MACROD2: variants seen among roughly 807,000 people sequenced by gnomAD.
MACROD2 encodes ADP-ribose glycohydrolase MACROD2.
A neutral mutation model predicts 70.4 loss-of-function variants in MACROD2; 36 were observed. That is an observed-to-expected ratio of 0.51 (90% CI 0.39 to 0.68). The LOEUF is 0.68. MACROD2 is among the 30% of genes least tolerant of loss of function. MACROD2 has a pLI of 0.00. For synonymous variants in MACROD2, 172 were observed against 178.8 expected (o/e 0.96, Z 0.30); for missense variants, 496 against 538.4 (o/e 0.92, Z 0.78).
intron 8 of MACROD2, among the ~76,000 whole-genome samples, chr20:15,701,445 T>A (rs1031642150): frequency 6.6e-6 from 1 of 152,216 alleles, no homozygotes; most frequent in Non-Finnish European, 1.5e-5. Context: ...CTTATTATTA[T>A]ATATTTACTT....
intron 2 of MACROD2, among the ~76,000 whole-genome samples, chr20:14,012,206 G>T (rs1172170137): frequency 6.6e-6 from 1 of 152,120 alleles, no homozygotes; most frequent in East Asian, 1.9e-4. Flanking sequence ...CGTACTCAGG[G>T]TGTGACATAT....
intron 5 of MACROD2, among the ~76,000 whole-genome samples, chr20:15,193,623 G>C (rs2076586185): frequency 6.6e-6 from 1 of 152,074 alleles, no homozygotes; most frequent in Admixed American, 6.6e-5. Flanking sequence ...GCCAGCCTGA[G>C]TGACAGAACA....
intron 3 of MACROD2, among the ~76,000 whole-genome samples, chr20:14,224,209 A>G (rs1050555692): frequency 1.3e-5 from 2 of 152,194 alleles, no homozygotes; most frequent in African/African-American, 2.4e-5. Context: ...TAAAACTATC[A>G]CAGGAACTTG....
intron 6 of MACROD2, among the ~76,000 whole-genome samples, chr20:15,337,280 AT>A (rs1020816058): frequency 6.6e-6 from 1 of 151,430 alleles, no homozygotes; most frequent in Non-Finnish European, 1.5e-5. Flanking sequence ...GTTGGTTTTG[AT>A]TTTTTTTCCT....
intron 8 of MACROD2, among the ~76,000 whole-genome samples, chr20:15,618,900 G>A (rs1449065672): frequency 6.6e-6 from 1 of 152,212 alleles, no homozygotes; most frequent in Non-Finnish European, 1.5e-5. Context: ...AAGCATTCCA[G>A]GATCAGAGAT....
At chr20:15,832,675 T>C (rs1208435734) in intron 8 of MACROD2, among the ~76,000 whole-genome samples, 1 of 152,236 alleles carries the variant, frequency 6.6e-6, no homozygotes, top group East Asian at 1.9e-4. Flanking sequence ...ACCAGGGACA[T>C]GTGCATCCCT....
Position 15,339,045 on chromosome 20 carries a change from C to T in MACROD2, c.541-92360C>T, listed in dbSNP as rs763755630. ...AACCCGTTTAATCTATTATAGCTGG[C>T]CTCTAGCAAATATGCCATAAGTAGA... On this transcript the variant is annotated intron_variant, in intron 6 of 17. Transcript: ENST00000684519. Among the ~76,000 whole-genome samples the T allele has an allele frequency of 2.2e-4, 33 of 151,586 alleles. 1 individual carries two copies. The highest frequency in any genetic ancestry group is 4.1e-4 in the Non-Finnish European group (28 of 68,028).
intron 5 of MACROD2, among the ~76,000 whole-genome samples, chr20:14,965,992 C>A (rs577394612): frequency 7.9e-5 from 12 of 152,146 alleles, no homozygotes; most frequent in Non-Finnish European, 1.5e-4. Context: ...TATGAATATT[C>A]AAGGAGATGA....
At chr20:15,583,066 G>T (rs974130359) in intron 8 of MACROD2, among the ~76,000 whole-genome samples, 1 of 152,068 alleles carries the variant, frequency 6.6e-6, no homozygotes, top group Admixed American at 6.5e-5. Flanking sequence ...AATAAGTGCA[G>T]TGTGGTCTAC....
chr20:14,816,586 T>G (rs2072776456), intron 5 of MACROD2, among the ~76,000 whole-genome samples: 1 of 152,102 alleles, frequency 6.6e-6, no homozygotes. Flanking sequence ...ACTTTCATAT[T>G]TTTTATTTAT....
chr20:15,450,860 T>A (rs1912230033), intron 7 of MACROD2, among the ~76,000 whole-genome samples: 1 of 152,150 alleles, frequency 6.6e-6, no homozygotes, highest in African/African-American at 2.4e-5. Context: ...TCTCTCAGAA[T>A]TAAACCTACC....
chr20:15,563,107 A>C (rs552747582), intron 8 of MACROD2, among the ~76,000 whole-genome samples: 7 of 152,348 alleles, frequency 4.6e-5, no homozygotes, highest in Non-Finnish European at 1.0e-4. Context: ...ACAAATGCTT[A>C]TTCGCTGATG....
chr20:15,977,078 A>G (rs1299226024), intron 13 of MACROD2, among the ~76,000 whole-genome samples: 1 of 152,164 alleles, frequency 6.6e-6, no homozygotes, highest in Non-Finnish European at 1.5e-5. Flanking sequence ...ACAGGAATAC[A>G]GATTTTGGCC....
At chr20:15,249,342 A>G (rs1901746051) in intron 6 of MACROD2, among the ~76,000 whole-genome samples, 1 of 152,122 alleles carries the variant, frequency 6.6e-6, no homozygotes, top group South Asian at 2.1e-4. Context: ...ATTTTCTGTC[A>G]CTTCTCAGCT....
intron 5 of MACROD2, among the ~76,000 whole-genome samples, chr20:15,105,732 C>T (rs1008044005): frequency 3.3e-5 from 5 of 152,126 alleles, no homozygotes; most frequent in African/African-American, 1.2e-4. Context: ...GACTTAGAGA[C>T]AGCAGAAAGG....
At chr20:14,597,292 C>A (rs1404105627) in intron 4 of MACROD2, among the ~76,000 whole-genome samples, 1 of 151,990 alleles carries the variant, frequency 6.6e-6, no homozygotes, top group Non-Finnish European at 1.5e-5. Context: ...TGTTTGAAAC[C>A]AAATACATCT....
chr20:15,775,950 A>G (rs560882932), intron 8 of MACROD2, among the ~76,000 whole-genome samples: 2 of 152,340 alleles, frequency 1.3e-5, no homozygotes, highest in South Asian at 4.1e-4. Flanking sequence ...GGCCAAATTT[A>G]TAAGCATACA....
intron 5 of MACROD2, among the ~76,000 whole-genome samples, chr20:14,744,083 G>A (rs1451883708): frequency 1.3e-5 from 2 of 152,130 alleles, no homozygotes; most frequent in Non-Finnish European, 2.9e-5. Flanking sequence ...AATAGAGTTT[G>A]GACTTCTGAC....
In MACROD2 at chr20:15,191,945, G is replaced by GAA. The variant is rs1555791172; in HGVS notation, c.419-37995_419-37994insAA. On this transcript the variant is annotated intron_variant, in intron 5 of 17. Coordinates refer to ENST00000684519, the MANE Select transcript of MACROD2 (RefSeq NM_001351661.2). ...ATATATATATATAGAGAGAGAGAGA[G>GAA]TTAATACATATATACAACTTTATAT... Among the ~76,000 whole-genome samples, 1,300 of 132,186 alleles carry GAA rather than the reference G, an allele frequency of 9.8e-3. 16 individuals are homozygous for GAA. The highest frequency in any genetic ancestry group is 0.017 in the South Asian group (65 of 3,802). The allele number at this position is 132,186 out of a possible 152,430, so 86.7% of individuals were successfully genotyped here. A position where few individuals can be genotyped will look rare whatever the true frequency, so the allele number is the denominator to read the frequency against.
Sources: allele counts gnomAD v4.1 joint callset (sites outside exome capture counted in the v4.1 genomes callset), GRCh38; gene constraint gnomAD v4.1.1; transcripts MANE v1.5; gene names NCBI Gene and HGNC (gene_info 2026-07-23, HGNC 2026-07-21).